The following ESRRG variants were observed in gnomAD, a reference collection of about 807,000 sequenced individuals.
ESRRG encodes the protein estrogen related receptor gamma, also known as estrogen-related receptor gamma.
In ESRRG, 13 loss-of-function variants were observed where a neutral mutation model predicts 44.0. The ratio of observed to expected loss-of-function variants is 0.30; its 90% CI spans 0.19 to 0.47. The LOEUF (loss-of-function observed/expected upper bound fraction) is 0.47, where lower values mean the gene tolerates loss of function less well. Among genes scored for constraint, ESRRG ranks in the 20% least tolerant of loss-of-function variants. The pLI is 1.00. For missense variants in ESRRG, 395 were observed against 580.6 expected (o/e 0.68, Z 3.29); for synonymous variants, 215 against 214.6 (o/e 1.00, Z -0.02).
intron 2 of ESRRG, among the ~76,000 whole-genome samples, chr1:216,876,710 A>G (rs2096360541): frequency 6.6e-6 from 1 of 152,052 alleles, no homozygotes; most frequent in African/African-American, 2.4e-5. Flanking sequence ...CATAGAACCC[A>G]TAGAACCAAT....
chr1:216,920,334 AAAG>A (rs2061669343), intron 2 of ESRRG, among the ~76,000 whole-genome samples: 1 of 152,046 alleles, frequency 6.6e-6, no homozygotes, highest in East Asian at 1.9e-4. Flanking sequence ...TCAAAATTAC[AAAG>A]AAGACCTAGA....
chr1:216,620,847 T>C (rs1406280266), intron 3 of ESRRG, among the ~76,000 whole-genome samples: 1 of 152,194 alleles, frequency 6.6e-6, no homozygotes, highest in Non-Finnish European at 1.5e-5. Flanking sequence ...ATATTCTCTG[T>C]TTTAAGAAAA....
intron 1 of ESRRG, among the ~76,000 whole-genome samples, chr1:216,720,582 T>C (rs2086027834): frequency 1.3e-5 from 2 of 152,130 alleles, no homozygotes; most frequent in Admixed American, 6.5e-5. Context: ...GTTGTTACTG[T>C]TACTGTATAA....
chr1:216,638,544 C>A (rs2065765623), intron 3 of ESRRG, among the ~76,000 whole-genome samples: 1 of 152,168 alleles, frequency 6.6e-6, no homozygotes, highest in Non-Finnish European at 1.5e-5. Flanking sequence ...TGCTCTTAAT[C>A]TTTATGCTCT....
intron 1 of ESRRG, among the ~76,000 whole-genome samples, chr1:217,074,984 C>A (rs1415612269): frequency 6.6e-6 from 1 of 152,028 alleles, no homozygotes; most frequent in Non-Finnish European, 1.5e-5. Context: ...TCTCAGTATC[C>A]TTGGGGATTG....
intron 5 of ESRRG, among the ~76,000 whole-genome samples, chr1:216,559,808 G>T (rs537307237): frequency 1.2e-4 from 18 of 152,074 alleles, no homozygotes; most frequent in Admixed American, 9.2e-4. Context: ...TTAAAAATTT[G>T]ACTCTGTAAA....
At chr1:216,713,536 C>T (rs1407355917) in intron 1 of ESRRG, among the ~76,000 whole-genome samples, 1 of 152,140 alleles carries the variant, frequency 6.6e-6, no homozygotes, top group African/African-American at 2.4e-5. Context: ...TGACATAGGG[C>T]ATAACTGCAT....
At chr1:216,770,448 G>A (rs1324890975) in intron 2 of ESRRG, among the ~76,000 whole-genome samples, 1 of 152,036 alleles carries the variant, frequency 6.6e-6, no homozygotes, top group Non-Finnish European at 1.5e-5. Flanking sequence ...TCCAGCATGA[G>A]CCAAGGCCTT....
At chr1:216,709,725 T>C (rs2083219558) in intron 1 of ESRRG, among the ~76,000 whole-genome samples, 1 of 151,970 alleles carries the variant, frequency 6.6e-6, no homozygotes, top group Admixed American at 6.6e-5. Context: ...GTATGTATAC[T>C]CTCTAATGAA....
Position 216,526,615 on chromosome 1 carries a change from C to T in ESRRG, c.863-7194G>A, listed in dbSNP as rs557463630. ...GGTTTATGTCACCCAGTCTTTGGTA[C>T]TTTGTTTTAGCAGCTTTAGCAAACT... is the stretch of plus-strand genomic sequence containing the variant. On this transcript the variant is annotated intron_variant, in intron 5 of 6. Transcript: ENST00000408911. Among the ~76,000 whole-genome samples the T allele has an allele frequency of 5.9e-5, 9 of 152,288 alleles. No homozygotes were observed. In the South Asian group the frequency reaches 1.7e-3, roughly 28 times the overall value.
At chr1:216,930,593 G>C (rs1258085538) in intron 2 of ESRRG, among the ~76,000 whole-genome samples, 1 of 152,236 alleles carries the variant, frequency 6.6e-6, no homozygotes, top group Non-Finnish European at 1.5e-5. Flanking sequence ...AAACTGCAAA[G>C]ACGTATAAGA....
chr1:216,583,698 A>G (rs1194700249), intron 3 of ESRRG, among the ~76,000 whole-genome samples: 1 of 152,246 alleles, frequency 6.6e-6, no homozygotes, highest in Non-Finnish European at 1.5e-5. Context: ...TTAATGTCAT[A>G]ATAAAGACAT....
chr1:216,897,201 T>C (rs2058532471), intron 2 of ESRRG, among the ~76,000 whole-genome samples: 1 of 152,210 alleles, frequency 6.6e-6, no homozygotes. Context: ...CCAGTGGATT[T>C]GCCATACAAA....
intron 2 of ESRRG, among the ~76,000 whole-genome samples, chr1:216,801,295 CT>C: frequency 6.6e-6 from 1 of 152,276 alleles, no homozygotes; most frequent in Non-Finnish European, 1.5e-5. Flanking sequence ...ACTCGAACCC[CT>C]GTCTTCAAGT....
At chr1:216,811,288 A>G (rs948531972) in intron 2 of ESRRG, among the ~76,000 whole-genome samples, 2 of 152,138 alleles carry the variant, frequency 1.3e-5, no homozygotes, top group Non-Finnish European at 2.9e-5. Flanking sequence ...TTTTATTCTA[A>G]CTCATAAAAA....
chr1:216,826,737 A>C (rs1187071500), intron 2 of ESRRG, among the ~76,000 whole-genome samples: 1 of 152,154 alleles, frequency 6.6e-6, no homozygotes, highest in Admixed American at 6.6e-5. Context: ...TACTACACAA[A>C]TTCCATTTTC....
Position 217,020,361 on chromosome 1 carries a change from C to T in ESRRG, c.-106+69146G>A, listed in dbSNP as rs868472185. 2.0e-5 allele frequency among the ~76,000 whole-genome samples: 3 copies of T among 152,280 alleles called. No homozygotes were observed. In the South Asian group the frequency reaches 6.2e-4, roughly 32 times the overall value. Reference sequence around the variant, plus strand: ...CACAGTCTATCTTCTTCTGCCTTGGCCTAGAGTGCTATTGCTTAACTGTAG... The same window carrying T: ...CACAGTCTATCTTCTTCTGCCTTGGTCTAGAGTGCTATTGCTTAACTGTAG... On this transcript the variant is annotated intron_variant, in intron 1 of 7. Coordinates refer to the ESRRG transcript ENST00000359162.
intron 2 of ESRRG, among the ~76,000 whole-genome samples, chr1:216,759,817 C>T (rs548057534): frequency 3.2e-4 from 48 of 152,168 alleles, no homozygotes; most frequent in African/African-American, 9.6e-4. Flanking sequence ...TCTGCTCTGG[C>T]TTTTTGGAAT....
At chr1:216,883,518 C>A (rs1307871165) in intron 2 of ESRRG, among the ~76,000 whole-genome samples, 1 of 150,828 alleles carries the variant, frequency 6.6e-6, no homozygotes, top group Non-Finnish European at 1.5e-5. Context: ...CCGAGAGATT[C>A]TATTGCTTCG....
Sources: allele counts gnomAD v4.1 joint callset (sites outside exome capture counted in the v4.1 genomes callset), GRCh38; gene constraint gnomAD v4.1.1; transcripts MANE v1.5; gene names NCBI Gene and HGNC (gene_info 2026-07-23, HGNC 2026-07-21).